The following SAMD12 variants were observed in gnomAD, a reference collection of about 807,000 sequenced individuals.
SAMD12 encodes sterile alpha motif domain containing 12.
A neutral mutation model predicts 15.0 loss-of-function variants in SAMD12; 9 were observed. The observed-to-expected ratio is 0.60, with a 90% CI of 0.36 to 1.05. The LOEUF (loss-of-function observed/expected upper bound fraction) is 1.05, where lower values mean the gene tolerates loss of function less well. Ranked by LOEUF, SAMD12 falls within the 50% of genes least tolerant of loss-of-function variation. SAMD12 has a pLI of 0.01. For synonymous variants in SAMD12, 86 were observed against 90.1 expected, an observed-to-expected ratio of 0.96 and a Z score of 0.25; for missense variants, 230 against 234.2, an observed-to-expected ratio of 0.98 and a Z score of 0.12.
At chr8:118,478,648 A>G (rs1824034956) in intron 2 of SAMD12, among the ~76,000 whole-genome samples, 1 of 152,242 alleles carries the variant, frequency 6.6e-6, no homozygotes, top group Non-Finnish European at 1.5e-5. Flanking sequence ...AGAACTGACC[A>G]GGCAGTCTGG....
the SAMD12 span, among the ~76,000 whole-genome samples, chr8:118,174,976 C>T: frequency 6.6e-6 from 1 of 150,480 alleles, no homozygotes; most frequent in African/African-American, 2.5e-5. Context: ...GGATCTTTAC[C>T]TGTGTAACCA....
At chr8:118,455,578 A>C (rs1401186336) in intron 2 of SAMD12, among the ~76,000 whole-genome samples, 1 of 152,174 alleles carries the variant, frequency 6.6e-6, no homozygotes. Flanking sequence ...ATTGTCAATA[A>C]ATCAAATGAC....
the SAMD12 span, among the ~76,000 whole-genome samples, chr8:118,152,497 TTCC>T: frequency 6.7e-6 from 1 of 149,086 alleles, no homozygotes; most frequent in African/African-American, 2.5e-5. Context: ...CCTTCCTTCC[TTCC>T]TTCTTCCTTC....
At chr8:118,321,905 G>T (rs982231179) in intron 4 of SAMD12, among the ~76,000 whole-genome samples, 1 of 152,096 alleles carries the variant, frequency 6.6e-6, no homozygotes, top group African/African-American at 2.4e-5. Context: ...TTATTAACTT[G>T]AACACTTTCT....
the SAMD12 span, among the ~76,000 whole-genome samples, chr8:118,157,306 A>G: frequency 6.6e-6 from 1 of 152,154 alleles, no homozygotes; most frequent in Non-Finnish European, 1.5e-5. Context: ...GGGTAACTTA[A>G]TCTCTCCAAG....
chr8:118,248,921 A>G lies in SAMD12; in HGVS notation c.434-51189T>C, dbSNP rs141497115. 4.6e-5 allele frequency among the ~76,000 whole-genome samples: 7 copies of G among 152,232 alleles called. No individual in the cohort carries two copies. The East Asian group carries it at 1.4e-3, about 29-fold the overall frequency. ...CTGCCATTGCCAAAATACTACATAA[A>G]CTAACAGTTATTTCATTTTATAAAA... On this transcript the variant is annotated intron_variant, in intron 4 of 4. Transcript: ENST00000409003.
intron 1 of SAMD12, among the ~76,000 whole-genome samples, chr8:118,617,322 C>T (rs1286687322): frequency 6.6e-6 from 1 of 152,246 alleles, no homozygotes; most frequent in South Asian, 2.1e-4. Context: ...TTCCCATTTT[C>T]CCAGTCACCG....
At chr8:118,203,305 G>A (rs1819764284) in intron 4 of SAMD12, among the ~76,000 whole-genome samples, 1 of 152,136 alleles carries the variant, frequency 6.6e-6, no homozygotes, top group South Asian at 2.1e-4. Context: ...CCTATGTTTA[G>A]AGCACTGGTT....
At chr8:118,373,733 C>T (rs1451657499), downstream of SAMD12, among the ~76,000 whole-genome samples, 1 of 152,146 alleles carries the variant, frequency 6.6e-6, no homozygotes, top group Non-Finnish European at 1.5e-5. Flanking sequence ...GTAGCATCTA[C>T]TACTCACATC....
At chr8:118,485,964 G>T (rs1438874856) in intron 2 of SAMD12, among the ~76,000 whole-genome samples, 1 of 152,142 alleles carries the variant, frequency 6.6e-6, no homozygotes, top group Non-Finnish European at 1.5e-5. Context: ...ATTTCATGAA[G>T]GTAGTTAACA....
intron 2 of SAMD12, among the ~76,000 whole-genome samples, chr8:118,507,829 C>T (rs963119764): frequency 1.3e-5 from 2 of 152,004 alleles, no homozygotes; most frequent in African/African-American, 4.8e-5. Flanking sequence ...GCACAGATGA[C>T]TGCAAGGCTT....
At chr8:118,255,021 T>C (rs78232318) in intron 4 of SAMD12, among the ~76,000 whole-genome samples, 57 of 152,148 alleles carry the variant, frequency 3.7e-4, no homozygotes, top group African/African-American at 1.3e-3. Context: ...CTTAAGTCGA[T>C]GCCTTGGAAT....
intron 1 of SAMD12, among the ~76,000 whole-genome samples, chr8:118,605,085 C>T (rs1230484549): frequency 6.6e-6 from 1 of 152,006 alleles, no homozygotes; most frequent in East Asian, 1.9e-4. Flanking sequence ...CTTTATATTG[C>T]AAAGGCCCCT....
intron 4 of SAMD12, among the ~76,000 whole-genome samples, chr8:118,325,428 C>CG (rs2130473421): frequency 6.6e-6 from 1 of 152,074 alleles, no homozygotes; most frequent in South Asian, 2.1e-4. Flanking sequence ...TTTGCTCCCC[C>CG]GGGTTTATTG....
chr8:118,551,905 G>T (rs973651098), intron 2 of SAMD12, among the ~76,000 whole-genome samples: 2 of 151,056 alleles, frequency 1.3e-5, no homozygotes, highest in Non-Finnish European at 3.0e-5. Flanking sequence ...ATACGTCTAC[G>T]CAAATAAACT....
chr8:118,187,127 A>G (rs1819256271), downstream of SAMD12, among the ~76,000 whole-genome samples: 1 of 152,224 alleles, frequency 6.6e-6, no homozygotes, highest in Admixed American at 6.5e-5. Flanking sequence ...CAACTTTTCA[A>G]CTTCTCGTGA....
intron 2 of SAMD12, among the ~76,000 whole-genome samples, chr8:118,527,776 A>C (rs1188607393): frequency 2.0e-5 from 3 of 152,134 alleles, no homozygotes; most frequent in Non-Finnish European, 2.9e-5. Context: ...AAGATGTTTA[A>C]TTAGGGATAT....
chr8:118,200,978 C>T (rs1296110908), intron 4 of SAMD12, among the ~76,000 whole-genome samples: 2 of 152,208 alleles, frequency 1.3e-5, no homozygotes, highest in East Asian at 3.8e-4. Flanking sequence ...CACCACTACA[C>T]CCAGCTACAC....
intron 2 of SAMD12, among the ~76,000 whole-genome samples, chr8:118,440,671 CACACACACACACACACACACACACAA>C (rs1325621153): frequency 6.8e-5 from 10 of 147,928 alleles, no homozygotes; most frequent in African/African-American, 2.3e-4. Context: ...CACACACACA[CACACACACACACACACACACACACAA>C]ACACACACAC....
Sources: gnomAD v4.1 joint callset for allele counts (sites outside exome capture counted in the v4.1 genomes callset) on GRCh38, gnomAD v4.1.1 for gene constraint, MANE v1.5 for transcripts, NCBI Gene and HGNC (gene_info 2026-07-23, HGNC 2026-07-21) for gene names.